The following SMG1 variants were observed in gnomAD, a reference collection of about 807,000 sequenced individuals.
SMG1 encodes serine/threonine-protein kinase SMG1.
A neutral mutation model predicts 419.9 loss-of-function variants in SMG1; 22 were observed. The observed-to-expected ratio is 0.05, with a 90% CI of 0.04 to 0.07. The LOEUF (loss-of-function observed/expected upper bound fraction) is 0.07, where lower values mean the gene tolerates loss of function less well. SMG1 is among the 10% of genes least tolerant of loss of function. The pLI is 1.00. For missense variants in SMG1, 3,185 were observed against 4,342.0 expected (o/e 0.73, Z 7.49); for synonymous variants, 1,538 against 1,553.5 (o/e 0.99, Z 0.23).
chr16:18,886,046 TTTG>T (rs1328227430), intron 6 of SMG1, among the ~76,000 whole-genome samples: 1 of 152,206 alleles, frequency 6.6e-6, no homozygotes, highest in Non-Finnish European at 1.5e-5. Context: ...TTCTTCAATG[TTTG>T]TTAATATTAG....
At chr16:18,920,767 GAGGTGGAGGCTGC>G (rs2038166173) in intron 1 of SMG1, among the ~76,000 whole-genome samples, 1 of 152,048 alleles carries the variant, frequency 6.6e-6, no homozygotes, top group East Asian at 1.9e-4. Flanking sequence ...CTGAGCCTGG[GAGGTGGAGGCTGC>G]AGTGAGCTGA....
At position 18,920,426 on chromosome 16, in the gene SMG1, T is replaced by TAAAGATACA. The variant is rs1199971885; in HGVS notation, c.92+5515_92+5523dup. The stretch of plus-strand genomic sequence containing the variant: ...GTTGGGGTGAGGTGAAGGTTCAACT[T>TAAAGATACA]AAAGATACAATTACTAAGTGTTTCA... On this transcript the variant is annotated intron_variant, in intron 1 of 62. Coordinates refer to ENST00000446231, the MANE Select transcript of SMG1 (RefSeq NM_015092.5). Among the ~76,000 whole-genome samples, 25 of 150,530 alleles carry TAAAGATACA rather than the reference T, an allele frequency of 1.7e-4. 1 individual carries two copies. The highest frequency in any genetic ancestry group is 1.5e-5 in the Non-Finnish European group (1 of 67,792).
chr16:18,848,426 G>C (rs1213791797), intron 36 of SMG1, among the ~76,000 whole-genome samples: 3 of 148,746 alleles, frequency 2.0e-5, no homozygotes, highest in African/African-American at 7.4e-5. Flanking sequence ...AGTGATTCTT[G>C]TGCCTCAGCC....
In SMG1 at chr16:18,832,923, A is replaced by G. The variant is rs772892377; in HGVS notation, c.8792+17T>C. The G allele has an allele frequency of 3.1e-6, 5 of 1,597,484 alleles. No homozygotes were observed. In the South Asian group the frequency reaches 4.4e-5, roughly 14 times the overall value. ...CATCTCTTTTACAAGGAAACGGCAC[A>G]GCCAGCATTCACTTGCCTGGCAACA... On this transcript the variant is annotated intron_variant, in intron 51 of 62. Coordinates refer to ENST00000446231, the MANE Select transcript of SMG1 (RefSeq NM_015092.5).
At chr16:18,847,681 G>T in intron 37 of SMG1, 74 bp from the exon 38 acceptor site, 1 of 1,307,796 alleles carries the variant, frequency 7.6e-7, no homozygotes, top group Admixed American at 2.3e-5. Context: ...ACTGGACTTT[G>T]TAAGTTAAGT....
intron 1 of SMG1, among the ~76,000 whole-genome samples, chr16:18,920,835 G>A (rs2038168888): frequency 6.6e-6 from 1 of 150,882 alleles, no homozygotes; most frequent in African/African-American, 2.4e-5. Flanking sequence ...GTAAGACTCT[G>A]TTTCAGAAAA....
chr16:18,868,796 A>G lies in SMG1; in HGVS notation c.2834-77T>C, dbSNP rs986810175. The G allele has an allele frequency of 2.8e-5, 18 of 645,668 alleles. No homozygotes were observed. The Admixed American group carries it at 5.3e-4, about 19-fold the overall frequency. The allele number at this position is 645,668 out of a possible 1,614,324, so 40.0% of individuals were successfully genotyped here. ...AATAAGTGTGAGTTTTTTATGACCA[A>G]TTCACATTTATCAAGTATCCTCTGT... On this transcript the variant is annotated intron_variant, in intron 20 of 62. Coordinates refer to ENST00000446231, the MANE Select transcript of SMG1 (RefSeq NM_015092.5).
At chr16:18,857,200 T>C (rs529948541) in intron 29 of SMG1, 1 of 152,358 alleles carries the variant, frequency 6.6e-6, no homozygotes, top group South Asian at 2.1e-4. Flanking sequence ...TACATTGACA[T>C]TTAACACTCA....
chr16:18,868,750 A>T, intron 20 of SMG1, 31 bp from the exon 21 acceptor site: 1 of 894,882 alleles, frequency 1.1e-6, no homozygotes, highest in Non-Finnish European at 1.7e-6. Flanking sequence ...CTGAATTTTT[A>T]AAAATCTTAA....
intron 54 of SMG1, among the ~76,000 whole-genome samples, chr16:18,828,711 T>C (rs2032936632): frequency 6.6e-6 from 1 of 152,180 alleles, no homozygotes; most frequent in South Asian, 2.1e-4. Flanking sequence ...TTAAAAACTA[T>C]ATTTATGCCA....
At chr16:18,892,061 T>C (rs2036907517) in intron 4 of SMG1, among the ~76,000 whole-genome samples, 157 bp downstream of exon 4, 1 of 152,218 alleles carries the variant, frequency 6.6e-6, no homozygotes, top group Non-Finnish European at 1.5e-5. Context: ...AGCAAGATCT[T>C]GTCTTTAAGA....
intron 11 of SMG1, chr16:18,879,115 T>C (rs2036273716): frequency 3.4e-6 from 1 of 292,076 alleles, no homozygotes; most frequent in Non-Finnish European, 6.6e-6. Context: ...AGCAAAGCCC[T>C]TATTTTTTTT....
At chr16:18,918,038 ATCAC>A (rs1194094705) in intron 1 of SMG1, among the ~76,000 whole-genome samples, 115 of 151,724 alleles carry the variant, frequency 7.6e-4, no homozygotes, top group African/African-American at 2.7e-3. Flanking sequence ...GGATGGGTGG[ATCAC>A]CTGAGGTCAT....
rs565890333 is a variant in SMG1 at position 18,838,352 on chromosome 16, C to T, written c.7194+5G>A. On this transcript the variant is annotated splice_donor_5th_base_variant and intron_variant, in intron 44 of 62. Coordinates refer to ENST00000446231, the MANE Select transcript of SMG1 (RefSeq NM_015092.5). The stretch of plus-strand genomic sequence containing the variant: ...CACTAAAAGGGAGAAGAGAAAACAG[C>T]ATACCTGCTCACATGAAAGCCTAAA... The T allele has an allele frequency of 2.5e-5, 40 of 1,606,142 alleles. No individual in the cohort carries two copies. Among genetic ancestry groups the T allele is most frequent in the Non-Finnish European group, 3.1e-5 (37 of 1,175,758 alleles).
intron 55 of SMG1, among the ~76,000 whole-genome samples, chr16:18,826,987 A>G (rs112908408): frequency 0.025 from 1,015 of 40,822 alleles, 236 homozygotes; most frequent in African/African-American, 0.065. Context: ...GCCGGTCTGA[A>G]AAGCGTAATA....
Position 18,829,969 on chromosome 16 carries a change from C to A in SMG1, c.9090G>T (p.Lys3030Asn). The part of the protein sequence containing the change: ...IFFLKRLQTI[K>N]EFFRLCGTFS... ...AGGTACCACAGAGCCTGAAGAACTC[C>A]TTAATAGTCTGTAGTCTTTTTAGAA... Residue 3030 changes from lysine to asparagine, a missense_variant, in exon 53 of 63, where the codon AAG (lysine) becomes AAT (asparagine). Lys to Asn is a moderately conservative substitution (Grantham distance 94). Coordinates refer to ENST00000446231, the MANE Select transcript of SMG1 (RefSeq NM_015092.5). The A allele has an allele frequency of 6.3e-7, 1 of 1,584,184 alleles. No individual in the cohort carries two copies. Among genetic ancestry groups the A allele is most frequent in the South Asian group, 1.2e-5 (1 of 85,858 alleles).
intron 50 of SMG1, 83 bp downstream of exon 50, chr16:18,834,120 CA>C: frequency 1.0e-6 from 1 of 998,120 alleles, no homozygotes; most frequent in South Asian, 1.6e-5. Context: ...ATGGGGAAGT[CA>C]AATTGCTTTC....
chr16:18,882,281 C>G lies in SMG1; in HGVS notation c.1177G>C (p.Val393Leu), dbSNP rs2141716190. The G allele has an allele frequency of 1.2e-6, 2 of 1,610,278 alleles. No individual in the cohort carries two copies. Among genetic ancestry groups the G allele is most frequent in the East Asian group, 4.5e-5 (2 of 44,850 alleles). ...AGTGCAGCCAGCTTTGGTAATGACACTGATGGAGGAGGGACATCTTCATCC... is the reference window on the plus strand; with the variant it reads ...AGTGCAGCCAGCTTTGGTAATGACAGTGATGGAGGAGGGACATCTTCATCC... ...SVDEDVPPPS[V>L]SLPKLAALLR... The change falls in exon 10 of 63, where the codon GTG (valine) becomes CTG (leucine). Residue 393 changes from valine (V) to leucine (L), a missense_variant. Transcript: ENST00000446231.
intron 6 of SMG1, among the ~76,000 whole-genome samples, chr16:18,886,568 C>T (rs1465757351): frequency 1.7e-4 from 26 of 152,088 alleles, no homozygotes; most frequent in African/African-American, 9.7e-5. Flanking sequence ...TTTGGGAGGA[C>T]GAGGCAGGTG....
Sources: gnomAD v4.1 joint callset for allele counts (sites outside exome capture counted in the v4.1 genomes callset) on GRCh38, gnomAD v4.1.1 for gene constraint, MANE v1.5 for transcripts, NCBI Gene and HGNC (gene_info 2026-07-23, HGNC 2026-07-21) for gene names.